Variants in MACROD2 observed in about 807,000 individuals in gnomAD.
The protein encoded by MACROD2 is mono-ADP ribosylhydrolase 2.
In MACROD2, 36 loss-of-function variants were observed where a neutral mutation model predicts 70.4. The ratio of observed to expected loss-of-function variants is 0.51; its 90% CI spans 0.39 to 0.68. The LOEUF is 0.68. Ranked by LOEUF, MACROD2 falls within the 30% of genes least tolerant of loss-of-function variation. The pLI, the probability that MACROD2 is intolerant of heterozygous loss-of-function variation, is 0.00. For missense variants in MACROD2, 496 were observed against 538.4 expected (o/e 0.92, Z 0.78); for synonymous variants, 172 against 178.8 (o/e 0.96, Z 0.30).
chr20:15,404,636 G>C (rs1170427630), intron 6 of MACROD2, among the ~76,000 whole-genome samples: 2 of 152,126 alleles, frequency 1.3e-5, no homozygotes, highest in African/African-American at 2.4e-5. Flanking sequence ...TTTTGCCATT[G>C]AACTACCTCC....
At chr20:14,660,501 T>C (rs1986171983) in intron 4 of MACROD2, among the ~76,000 whole-genome samples, 1 of 152,200 alleles carries the variant, frequency 6.6e-6, no homozygotes, top group African/African-American at 2.4e-5. Flanking sequence ...GGCATATATA[T>C]ACAATATTAT....
intron 5 of MACROD2, among the ~76,000 whole-genome samples, chr20:14,758,619 T>G (rs1309367132): frequency 6.6e-6 from 1 of 152,160 alleles, no homozygotes; most frequent in Non-Finnish European, 1.5e-5. Context: ...CTGTACAGCA[T>G]TTTAATAGCT....
chr20:15,133,672 C>A (rs903492212), intron 5 of MACROD2, among the ~76,000 whole-genome samples: 1 of 152,076 alleles, frequency 6.6e-6, no homozygotes, highest in African/African-American at 2.4e-5. Flanking sequence ...TTACCCTCAG[C>A]AAATACTTGG....
intron 3 of MACROD2, among the ~76,000 whole-genome samples, chr20:14,249,412 G>A (rs1167573165): frequency 2.0e-5 from 3 of 151,710 alleles, no homozygotes; most frequent in Admixed American, 1.3e-4. Context: ...AAATAGGAAG[G>A]GGCAAAACCA....
chr20:14,256,236 T>G (rs961947855), intron 3 of MACROD2, among the ~76,000 whole-genome samples: 1 of 152,134 alleles, frequency 6.6e-6, no homozygotes, highest in Non-Finnish European at 1.5e-5. Flanking sequence ...TTTTCTAGAA[T>G]TTTTATTTGT....
At chr20:15,743,423 A>G (rs2051134495) in intron 8 of MACROD2, among the ~76,000 whole-genome samples, 1 of 152,174 alleles carries the variant, frequency 6.6e-6, no homozygotes, top group East Asian at 1.9e-4. Flanking sequence ...CAGCCTAGGA[A>G]AAAAGGGTAC....
intron 15 of MACROD2, among the ~76,000 whole-genome samples, chr20:16,012,418 G>A (rs778185939): frequency 3.9e-5 from 6 of 152,108 alleles, no homozygotes; most frequent in African/African-American, 1.2e-4. Flanking sequence ...CCATACTCCC[G>A]ACCAATTAAG....
chr20:14,784,612 G>T (rs1196125441), intron 5 of MACROD2, among the ~76,000 whole-genome samples: 1 of 132,594 alleles, frequency 7.5e-6, no homozygotes, highest in East Asian at 2.3e-4. Context: ...AATGCTTGTT[G>T]AATTAAATTG....
chr20:15,604,880 G>C (rs75913600), intron 8 of MACROD2, among the ~76,000 whole-genome samples: 5,938 of 152,188 alleles, frequency 0.039, 331 homozygotes, highest in African/African-American at 0.13. Context: ...CATTTCAAAA[G>C]TGTCCACCCT....
chr20:14,577,311 C>G (rs900352208), intron 4 of MACROD2, among the ~76,000 whole-genome samples: 7 of 152,022 alleles, frequency 4.6e-5, no homozygotes, highest in African/African-American at 9.7e-5. Flanking sequence ...TGAGAAAAAC[C>G]CTGTTTAATA....
intron 10 of MACROD2, among the ~76,000 whole-genome samples, chr20:15,919,542 C>T (rs2065370280): frequency 6.6e-6 from 1 of 152,158 alleles, no homozygotes; most frequent in Non-Finnish European, 1.5e-5. Flanking sequence ...CCAGATCAGT[C>T]TGGCCAACAT....
intron 4 of MACROD2, among the ~76,000 whole-genome samples, chr20:14,533,606 A>G (rs1012827449): frequency 2.0e-5 from 3 of 152,254 alleles, no homozygotes; most frequent in African/African-American, 7.2e-5. Context: ...ACATCTGGTC[A>G]TATTAAAAGA....
At chr20:14,463,077 C>T (rs2084391974) in intron 3 of MACROD2, among the ~76,000 whole-genome samples, 1 of 152,034 alleles carries the variant, frequency 6.6e-6, no homozygotes, top group African/African-American at 2.4e-5. Flanking sequence ...TGAAGAAAGT[C>T]ATTGGTAGCT....
intron 8 of MACROD2, among the ~76,000 whole-genome samples, chr20:15,515,987 A>G (rs1307152187): frequency 2.6e-5 from 4 of 152,176 alleles, no homozygotes; most frequent in Admixed American, 6.5e-5. Flanking sequence ...GCTCACCCCC[A>G]AGCCTGAGCT....
intron 5 of MACROD2, among the ~76,000 whole-genome samples, chr20:15,012,116 G>T (rs1247144270): frequency 6.6e-6 from 1 of 152,144 alleles, no homozygotes; most frequent in Non-Finnish European, 1.5e-5. Context: ...ACCCCAAAGG[G>T]TCACAAAAAC....
At chr20:14,921,186 T>C (rs1348240472) in intron 5 of MACROD2, among the ~76,000 whole-genome samples, 1 of 152,192 alleles carries the variant, frequency 6.6e-6, no homozygotes, top group African/African-American at 2.4e-5. Context: ...ATCGACATTA[T>C]GGGCAATGCA....
At chr20:14,771,791 GTATA>G (rs1232315918) in intron 5 of MACROD2, among the ~76,000 whole-genome samples, 1 of 151,120 alleles carries the variant, frequency 6.6e-6, no homozygotes, top group Non-Finnish European at 1.5e-5. Context: ...ATATGTATGT[GTATA>G]TATATATGTA....
At position 14,077,862 on chromosome 20, in the gene MACROD2, C is replaced by A. The variant is rs564400630; in HGVS notation, c.164-7759C>A. Among the ~76,000 whole-genome samples, 9 of 146,106 alleles carry A rather than the reference C, an allele frequency of 6.2e-5. No individual in the cohort carries two copies. In the East Asian group the frequency reaches 1.8e-3, roughly 29 times the overall value. On this transcript the variant is annotated intron_variant, in intron 2 of 17. Coordinates refer to ENST00000684519, the MANE Select transcript of MACROD2 (RefSeq NM_001351661.2). ...AACAAAGTTTTCTTGGAATATTGGT[C>A]TGTTCTTAGTAAGAGACTGTGAAAG...
Position 16,052,697 on chromosome 20 carries a change from T to C in MACROD2, c.*2821T>C, listed in dbSNP as rs2067474179. On this transcript the variant is annotated 3_prime_UTR_variant, in exon 18 of 18. Transcript: ENST00000684519. ...CTGCAGCTAATTGTAAATCTTTCTA[T>C]GAAACACTGAAAAGCCTCTTTGTGA... 1 of 152,646 alleles carries C rather than the reference T, an allele frequency of 6.6e-6. No homozygotes were observed. Among genetic ancestry groups the C allele is most frequent in the Non-Finnish European group, 1.5e-5 (1 of 68,030 alleles). 9.5% of individuals were successfully genotyped at this position (152,646 alleles called of 1,614,324 possible).
Sources: gnomAD v4.1 joint callset for allele counts (sites outside exome capture counted in the v4.1 genomes callset) on GRCh38, gnomAD v4.1.1 for gene constraint, MANE v1.5 for transcripts, NCBI Gene and HGNC (gene_info 2026-07-23, HGNC 2026-07-21) for gene names.